PCDH7: variants seen among roughly 807,000 people sequenced by gnomAD.
The protein encoded by PCDH7 is protocadherin 7.
PCDH7 carries 17 observed loss-of-function variants against 58.9 expected under a neutral mutation model. The ratio of observed to expected loss-of-function variants is 0.29; its 90% CI spans 0.20 to 0.43. The LOEUF is 0.43. Ranked by LOEUF, PCDH7 falls within the 20% of genes least tolerant of loss-of-function variation. PCDH7 has a pLI of 1.00. For missense variants in PCDH7, 1,274 were observed against 1,441.0 expected (o/e 0.88, Z 1.88); for synonymous variants, 664 against 616.4 (o/e 1.08, Z -1.14).
rs1300121112 is a variant in PCDH7 at position 30,722,052 on chromosome 4, C to T, written c.630C>T (p.Gly210=). Residue 210 remains glycine (G), a synonymous_variant, in exon 1 of 2, where the codon GGC becomes GGT. Coordinates refer to ENST00000361762, the Ensembl canonical transcript of PCDH7. The surrounding 1 kb of genome is among the most constrained non-coding windows in gnomAD (Gnocchi z 7.6). ...ACAGCGCCCCCTACCCCGGGGGCGGCGGGAACGGCGCGAGCGGCGGCGGCT... is the reference window on the plus strand; with the variant it reads ...ACAGCGCCCCCTACCCCGGGGGCGGTGGGAACGGCGCGAGCGGCGGCGGCT... The T allele has an allele frequency of 1.6e-6, 2 of 1,237,720 alleles. No individual in the cohort carries two copies. The highest frequency in any genetic ancestry group is 1.6e-5 in the African/African-American group (1 of 63,940). 76.7% of individuals were successfully genotyped at this position (1,237,720 alleles called of 1,614,324 possible).
At chr4:30,753,785 G>A (rs1434226708) in intron 1 of PCDH7, among the ~76,000 whole-genome samples, 4 of 152,048 alleles carry the variant, frequency 2.6e-5, no homozygotes, top group African/African-American at 9.7e-5. Flanking sequence ...TTGTGATAGA[G>A]CCTTTTTTTA....
intron 1 of PCDH7, among the ~76,000 whole-genome samples, chr4:30,864,663 A>C (rs752541641): frequency 3.3e-5 from 5 of 152,048 alleles, no homozygotes; most frequent in Non-Finnish European, 5.9e-5. Context: ...CTATACTGTG[A>C]ATGAAAAAGT....
chr4:30,974,389 T>C (rs1018995268), intron 3 of PCDH7, among the ~76,000 whole-genome samples: 3 of 152,018 alleles, frequency 2.0e-5, no homozygotes, highest in Non-Finnish European at 4.4e-5. Context: ...AAGGTTTTTT[T>C]TTCTCTCTCT....
chr4:30,778,627 G>T (rs1722379102), intron 1 of PCDH7, among the ~76,000 whole-genome samples: 1 of 151,700 alleles, frequency 6.6e-6, no homozygotes, highest in South Asian at 2.1e-4. Flanking sequence ...ACACATTTTT[G>T]CTGGGATTTT....
chr4:30,950,063 C>T (rs1023392581), intron 2 of PCDH7: 1 of 152,478 alleles, frequency 6.6e-6, no homozygotes, highest in Admixed American at 6.6e-5. Context: ...GGATGGACAC[C>T]ATTGTATAGG....
chr4:30,924,134 T>C (rs1463353879), intron 2 of PCDH7, among the ~76,000 whole-genome samples: 2 of 152,178 alleles, frequency 1.3e-5, no homozygotes, highest in African/African-American at 4.8e-5. Flanking sequence ...TCCTGGTCCC[T>C]ACCTTCATGC....
At chr4:30,785,078 T>C (rs1427767526) in intron 1 of PCDH7, among the ~76,000 whole-genome samples, 2 of 152,022 alleles carry the variant, frequency 1.3e-5, no homozygotes, top group East Asian at 1.9e-4. Flanking sequence ...TTTGCCTTCA[T>C]AGACCACATG....
chr4:31,033,866 G>A (rs904954195), intron 3 of PCDH7, among the ~76,000 whole-genome samples: 1 of 152,054 alleles, frequency 6.6e-6, no homozygotes, highest in Non-Finnish European at 1.5e-5. Flanking sequence ...GGCTGAGGTG[G>A]GCAGATCACC....
At chr4:30,750,134 A>G (rs1337576387) in intron 1 of PCDH7, among the ~76,000 whole-genome samples, 1 of 152,104 alleles carries the variant, frequency 6.6e-6, no homozygotes, top group Non-Finnish European at 1.5e-5. Flanking sequence ...CATGTTAGGG[A>G]ATTTCTGATC....
At chr4:30,971,599 C>T (rs1384358631) in intron 3 of PCDH7, among the ~76,000 whole-genome samples, 1 of 152,214 alleles carries the variant, frequency 6.6e-6, no homozygotes, top group Non-Finnish European at 1.5e-5. Flanking sequence ...CCCTCTCTCC[C>T]TGTTTAAACA....
chr4:30,936,412 T>C (rs1745341907), intron 2 of PCDH7, among the ~76,000 whole-genome samples: 1 of 152,076 alleles, frequency 6.6e-6, no homozygotes, highest in Non-Finnish European at 1.5e-5. Flanking sequence ...TATGAAAACC[T>C]ATTGTAGCCA....
At chr4:30,966,111 C>T (rs1748974390) in intron 3 of PCDH7, among the ~76,000 whole-genome samples, 1 of 152,094 alleles carries the variant, frequency 6.6e-6, no homozygotes, top group Non-Finnish European at 1.5e-5. Context: ...CTGCTTAAAT[C>T]AAAGGATTTT....
chr4:31,056,623 CAGAGAGAGAGAGG>C (rs1757272473), intron 3 of PCDH7, among the ~76,000 whole-genome samples: 1 of 130,028 alleles, frequency 7.7e-6, no homozygotes, highest in East Asian at 2.2e-4. Context: ...GAGTGAAAGA[CAGAGAGAGAGAGG>C]AGAGAGAGAG....
chr4:30,869,596 C>T (rs534131170), intron 1 of PCDH7, among the ~76,000 whole-genome samples: 1 of 152,184 alleles, frequency 6.6e-6, no homozygotes, highest in Non-Finnish European at 1.5e-5. Context: ...ATCCATGTCC[C>T]TGCAAAGGAC....
chr4:30,792,989 C>T (rs1577827654), intron 1 of PCDH7, among the ~76,000 whole-genome samples: 1 of 151,954 alleles, frequency 6.6e-6, no homozygotes, highest in Non-Finnish European at 1.5e-5. Flanking sequence ...CAAATTGAAA[C>T]CTGATTGTTA....
At chr4:30,768,713 C>A (rs1487602576) in intron 1 of PCDH7, among the ~76,000 whole-genome samples, 2 of 152,134 alleles carry the variant, frequency 1.3e-5, no homozygotes, top group Non-Finnish European at 2.9e-5. Context: ...CTGTCTTATC[C>A]ATGACTCGGT....
chr4:30,754,818 G>T (rs944027262), intron 1 of PCDH7, among the ~76,000 whole-genome samples: 2 of 152,100 alleles, frequency 1.3e-5, no homozygotes, highest in African/African-American at 4.8e-5. Flanking sequence ...GGGCAGTGAA[G>T]ATTTTTGATG....
Position 31,087,988 on chromosome 4 carries a change from G to A in PCDH7, c.*8-54485G>A, listed in dbSNP as rs1054450880. Reference sequence around the variant, plus strand: ...CAATTCTAAGGAGTAGATGCAGTTAGGATCTCTAATTGTTTTTGTAAGGAA... The same window carrying A: ...CAATTCTAAGGAGTAGATGCAGTTAAGATCTCTAATTGTTTTTGTAAGGAA... On this transcript the variant is annotated intron_variant, in intron 3 of 3. Transcript: ENST00000509759. 7.9e-5 allele frequency among the ~76,000 whole-genome samples: 12 copies of A among 152,034 alleles called. 1 individual carries two copies. In the East Asian group the frequency reaches 1.5e-3, roughly 20 times the overall value.
intron 1 of PCDH7, among the ~76,000 whole-genome samples, chr4:30,877,418 T>C (rs1284546535): frequency 1.3e-5 from 2 of 152,144 alleles, no homozygotes; most frequent in African/African-American, 4.8e-5. Flanking sequence ...TAGTGAGAGA[T>C]GGGCAGTAAG....
Sources: allele counts gnomAD v4.1 joint callset (sites outside exome capture counted in the v4.1 genomes callset), GRCh38; gene constraint gnomAD v4.1.1; non-coding constraint Gnocchi (gnomAD v3.1); transcripts MANE v1.5; gene names NCBI Gene and HGNC (gene_info 2026-07-23, HGNC 2026-07-21).